Variants in MRPS17 observed in about 807,000 individuals in gnomAD.
MRPS17 encodes small ribosomal subunit protein uS17m.
A neutral mutation model predicts 11.3 loss-of-function variants in MRPS17; 6 were observed. That is an observed-to-expected ratio of 0.53 (90% confidence interval 0.29 to 1.05). The LOEUF (loss-of-function observed/expected upper bound fraction) is 1.05, where lower values mean the gene tolerates loss of function less well. Ranked by LOEUF, MRPS17 falls within the 50% of genes least tolerant of loss-of-function variation. The pLI is 0.08. For synonymous variants in MRPS17, 56 were observed against 60.4 expected (o/e 0.93, Z 0.34); for missense variants, 139 against 153.6 (o/e 0.90, Z 0.50).
chr7:55,953,036 A>AT, intron 1 of MRPS17, 143 bp from the exon 2 acceptor site: 1 of 995,228 alleles, frequency 1.0e-6, no homozygotes, highest in South Asian at 1.6e-5. Context: ...CATCTAAAAA[A>AT]AAACAAAACA....
Position 55,955,237 on chromosome 7 carries a change from G to T in MRPS17, c.*59G>T. On this transcript the variant is annotated 3_prime_UTR_variant, in exon 3 of 3. Transcript: ENST00000285298. ...CTGACATGTTTATGTTATGGAAAAAGAAATTTTTCTAAGTTTCATCACAAA... is the reference window on the plus strand; with the variant it reads ...CTGACATGTTTATGTTATGGAAAAATAAATTTTTCTAAGTTTCATCACAAA... 2.6e-6 allele frequency: 4 copies of T among 1,546,804 alleles called. No individual in the cohort carries two copies. The highest frequency in any genetic ancestry group is 3.5e-6 in the Non-Finnish European group (4 of 1,147,282).
chr7:55,952,972 C>T (rs1786667254), intron 1 of MRPS17, among the ~76,000 whole-genome samples: 1 of 151,926 alleles, frequency 6.6e-6, no homozygotes, highest in Non-Finnish European at 1.5e-5. Context: ...GCGGCGTTTG[C>T]AGTGAGCCAA....
At chr7:55,952,745 C>A (rs1293588177) in intron 1 of MRPS17, among the ~76,000 whole-genome samples, 1 of 136,418 alleles carries the variant, frequency 7.3e-6, no homozygotes, top group Admixed American at 7.5e-5. Flanking sequence ...AAGAAAAATA[C>A]ATATGGCCGG....
In MRPS17 at chr7:55,954,893, C is replaced by T. The variant is rs1470480492; in HGVS notation, c.124-16C>T. 3.7e-6 allele frequency: 6 copies of T among 1,607,112 alleles called. No homozygotes were observed. The highest frequency in any genetic ancestry group is 5.1e-6 in the Non-Finnish European group (6 of 1,175,110). ...AGATGGGAACTACTGATTTGCTTCT[C>T]TCCCTCTCTCAACAGTATTTTAATA... On this transcript the variant is annotated splice_polypyrimidine_tract_variant and intron_variant, in intron 2 of 2. Coordinates refer to ENST00000285298, the MANE Select transcript of MRPS17 (RefSeq NM_015969.3).
Position 55,952,794 on chromosome 7 carries a change from G to A in MRPS17, c.-17-385G>A, listed in dbSNP as rs536586529. ...CGCCTGTAATCCTAGCACTCTGGGA[G>A]GCCGAGGCGGGCGGATCACGAGGTC... On this transcript the variant is annotated intron_variant, in intron 1 of 2. Coordinates refer to ENST00000285298, the MANE Select transcript of MRPS17 (RefSeq NM_015969.3). Among the ~76,000 whole-genome samples the A allele has an allele frequency of 5.3e-5, 8 of 152,046 alleles. No individual in the cohort carries two copies. In the South Asian group the frequency reaches 1.7e-3, roughly 32 times the overall value.
chr7:55,953,153 A>G, intron 1 of MRPS17, 26 bp from the exon 2 acceptor site: 1 of 1,613,206 alleles, frequency 6.2e-7, no homozygotes, highest in Non-Finnish European at 8.5e-7. Context: ...CCACCAGAAT[A>G]TGAGACTTTG....
Position 55,953,228 on chromosome 7 carries a change from A to G in MRPS17, c.33A>G (p.Arg11=). 1 of 1,614,176 alleles carries G rather than the reference A, an allele frequency of 6.2e-7. No homozygotes were observed. Among genetic ancestry groups the G allele is most frequent in the Non-Finnish European group, 8.5e-7 (1 of 1,180,030 alleles). Residue 11 remains arginine, a synonymous_variant, in exon 2 of 3, where the codon AGA becomes AGG. Transcript: ENST00000285298. The part of the protein sequence containing the change: MSVVRSSVHA[R]WIVGKVIGTK... ...TAGTTCGCTCATCCGTCCATGCCAG[A>G]TGGATTGTGGGGAAGGTGATTGGGA...
rs1786704936 is a variant in MRPS17 at position 55,954,972 on chromosome 7, A to G, written c.187A>G (p.Ile63Val). 6.2e-7 allele frequency: 1 copy of G among 1,614,180 alleles called. No individual in the cohort carries two copies. Among genetic ancestry groups the G allele is most frequent in the South Asian group, 1.1e-5 (1 of 91,084 alleles). Residue 63 changes from isoleucine (I) to valine (V), a missense_variant, in exon 3 of 3, where the codon ATT (isoleucine) becomes GTT (valine). Coordinates refer to ENST00000285298, the MANE Select transcript of MRPS17 (RefSeq NM_015969.3). ...CCTTCAGCAGTGCACAGTTGGGGAT[A>G]TTGTGCTTCTCAGAGCTTTACCTGT... ...DALQQCTVGDIVLLRALPVPR... is the reference protein window; with the variant it reads ...DALQQCTVGDVVLLRALPVPR...
Position 55,955,225 on chromosome 7 carries a change from GTTATGGAAAAAGAAATTT to G in MRPS17, c.*50_*67del, listed in dbSNP as rs1562756517. 9 of 1,562,726 alleles carry G rather than the reference GTTATGGAAAAAGAAATTT, an allele frequency of 5.8e-6. No individual in the cohort carries two copies. Among genetic ancestry groups the G allele is most frequent in the Non-Finnish European group, 7.8e-6 (9 of 1,156,266 alleles). On this transcript the variant is annotated 3_prime_UTR_variant, in exon 3 of 3. Coordinates refer to ENST00000285298, the MANE Select transcript of MRPS17 (RefSeq NM_015969.3). ...TAAAGGGAAAAACTGACATGTTTAT[GTTATGGAAAAAGAAATTT>G]TTCTAAGTTTCATCACAAACTGTGT...
intron 2 of MRPS17, among the ~76,000 whole-genome samples, chr7:55,954,273 G>A (rs1253014258): frequency 2.6e-5 from 4 of 152,162 alleles, no homozygotes; most frequent in Non-Finnish European, 4.4e-5. Context: ...TCATTATCAA[G>A]GATTAGAAAC....
rs762666393 is a variant in MRPS17, at chr7:55,953,217, G to T, written c.22G>T (p.Val8Phe). 4 of 1,614,180 alleles carry T rather than the reference G, an allele frequency of 2.5e-6. No homozygotes were observed. Among genetic ancestry groups the T allele is most frequent in the African/African-American group, 2.7e-5 (2 of 75,040 alleles). The change falls in exon 2 of 3, where the codon GTC (valine) becomes TTC (phenylalanine). Residue 8 changes from valine (V) to phenylalanine (F), a missense_variant. Physicochemically the swap from Val to Phe is conservative, Grantham distance 50. Coordinates refer to ENST00000285298, the MANE Select transcript of MRPS17 (RefSeq NM_015969.3). ...CGTAATGTCCGTAGTTCGCTCATCC[G>T]TCCATGCCAGATGGATTGTGGGGAA... is the stretch of plus-strand genomic sequence containing the variant. Reference protein sequence around the residue: MSVVRSSVHARWIVGKVI... With the variant: MSVVRSSFHARWIVGKVI...
Position 55,953,221 on chromosome 7 carries a change from A to G in MRPS17, c.26A>G (p.His9Arg), listed in dbSNP as rs770693233. 1.5e-5 allele frequency: 25 copies of G among 1,614,126 alleles called. No individual in the cohort carries two copies. Among genetic ancestry groups the G allele is most frequent in the Non-Finnish European group, 1.7e-5 (20 of 1,180,058 alleles). The change falls in exon 2 of 3, where the codon CAT becomes CGT. Residue 9 changes from histidine to arginine, a missense_variant. By Grantham distance (29) the His-to-Arg change is conservative. Coordinates refer to ENST00000285298, the MANE Select transcript of MRPS17 (RefSeq NM_015969.3). Reference protein sequence around the residue: MSVVRSSVHARWIVGKVIG... With the variant: MSVVRSSVRARWIVGKVIG... ...ATGTCCGTAGTTCGCTCATCCGTCC[A>G]TGCCAGATGGATTGTGGGGAAGGTG...
Position 55,955,150 on chromosome 7 carries a change from A to G in MRPS17, c.365A>G (p.Glu122Gly). 1.2e-6 allele frequency: 2 copies of G among 1,614,194 alleles called. No individual in the cohort carries two copies. Among genetic ancestry groups the G allele is most frequent in the Non-Finnish European group, 1.7e-6 (2 of 1,180,052 alleles). ...SETTQLSKNL[E>G]ELNISSAQ is the part of the protein sequence containing the mutation. ...ACCACCCAGCTAAGCAAAAATCTGG[A>G]AGAACTCAATATCTCTTCAGCACAG... The change falls in exon 3 of 3, where the codon GAA becomes GGA. Residue 122 changes from glutamate to glycine, a missense_variant. Coordinates refer to ENST00000285298, the MANE Select transcript of MRPS17 (RefSeq NM_015969.3).
At chr7:55,954,778 G>T in intron 2 of MRPS17, 131 bp from the exon 3 acceptor site, 1 of 1,112,790 alleles carries the variant, frequency 9.0e-7, no homozygotes, top group Non-Finnish European at 1.3e-6. Flanking sequence ...TTTTGTACTA[G>T]AAGCCTCCTT....
intron 1 of MRPS17, 76 bp from the exon 2 acceptor site, chr7:55,953,103 C>A: frequency 1.3e-6 from 2 of 1,534,140 alleles, no homozygotes; most frequent in South Asian, 1.2e-5. Context: ...TCTGGACTAA[C>A]CTGGACAGTT....
chr7:55,953,254 C>G lies in MRPS17; in HGVS notation c.59C>G (p.Thr20Arg), dbSNP rs373852557. The G allele has an allele frequency of 3.0e-5, 48 of 1,613,958 alleles. No homozygotes were observed. The African/African-American group carries it at 6.0e-4, about 20-fold the overall frequency. Residue 20 changes from threonine to arginine, a missense_variant, in exon 2 of 3, where the codon ACA (threonine) becomes AGA (arginine). Transcript: ENST00000285298. ...ARWIVGKVIG[T>R]KMQKTAKVRV... ...TGGATTGTGGGGAAGGTGATTGGGA[C>G]AAAAATGCAAAAGACTGCTAAAGTG... is the stretch of plus-strand genomic sequence containing the variant.
At chr7:55,954,694 T>C (rs1037955416) in intron 2 of MRPS17, among the ~76,000 whole-genome samples, 5 of 152,114 alleles carry the variant, frequency 3.3e-5, no homozygotes, top group African/African-American at 4.8e-5. Flanking sequence ...GATCGTGCCA[T>C]TGCACTCCAG....
At position 55,955,047 on chromosome 7, in the gene MRPS17, G is replaced by A; in HGVS notation, c.262G>A (p.Val88Ile). 6.2e-7 allele frequency: 1 copy of A among 1,614,160 alleles called. No homozygotes were observed. The highest frequency in any genetic ancestry group is 8.5e-7 in the Non-Finnish European group (1 of 1,180,038). ...TGAACTGGCTGAGATCGTTTTCAAA[G>A]TTGGAAAAGTCATAGATCCAGTGAC... is the stretch of plus-strand genomic sequence containing the variant. The part of the protein sequence containing the change: ...KHELAEIVFK[V>I]GKVIDPVTGK... Residue 88 changes from valine (V) to isoleucine (I), a missense_variant, in exon 3 of 3, where the codon GTT (valine) becomes ATT (isoleucine). Transcript: ENST00000285298.
rs754821166 is a variant in MRPS17 at position 55,955,154 on chromosome 7, A to G, written c.369A>G (p.Glu123=). 1 of 1,614,220 alleles carries G rather than the reference A, an allele frequency of 6.2e-7. No homozygotes were observed. Among genetic ancestry groups the G allele is most frequent in the Non-Finnish European group, 8.5e-7 (1 of 1,180,046 alleles). ...ETTQLSKNLE[E]LNISSAQ Reference sequence around the variant, plus strand: ...CCCAGCTAAGCAAAAATCTGGAAGAACTCAATATCTCTTCAGCACAGTGAA... The same window carrying G: ...CCCAGCTAAGCAAAAATCTGGAAGAGCTCAATATCTCTTCAGCACAGTGAA... Residue 123 remains glutamate, a synonymous_variant, in exon 3 of 3, where the codon GAA becomes GAG. Transcript: ENST00000285298.
Sources: gnomAD v4.1 joint callset for allele counts (sites outside exome capture counted in the v4.1 genomes callset) on GRCh38, gnomAD v4.1.1 for gene constraint, MANE v1.5 for transcripts, NCBI Gene and HGNC (gene_info 2026-07-23, HGNC 2026-07-21) for gene names.